TRANK1: variants seen among roughly 807,000 people sequenced by gnomAD.
TRANK1 encodes tetratricopeptide repeat and ankyrin repeat containing 1.
In TRANK1, 198 loss-of-function variants were observed where a neutral mutation model predicts 266.0. That is an observed-to-expected ratio of 0.74 (90% confidence interval 0.66 to 0.84). TRANK1 has a LOEUF of 0.84. Among genes scored for constraint, TRANK1 ranks in the 40% least tolerant of loss-of-function variants. TRANK1 has a pLI of 0.00. For synonymous variants in TRANK1, 1,396 were observed against 1,384.1 expected (o/e 1.01, Z -0.19); for missense variants, 3,326 against 3,634.6 (o/e 0.92, Z 2.18).
At chr3:36,847,940 C>A (rs2078937295) in intron 15 of TRANK1, among the ~76,000 whole-genome samples, 1 of 152,138 alleles carries the variant, frequency 6.6e-6, no homozygotes, top group Non-Finnish European at 1.5e-5. Flanking sequence ...AAAATAAAAA[C>A]AGATAATCAG....
At chr3:36,910,271 G>C (rs1183631093) in intron 1 of TRANK1, among the ~76,000 whole-genome samples, 1 of 152,120 alleles carries the variant, frequency 6.6e-6, no homozygotes, top group Non-Finnish European at 1.5e-5. Context: ...AGAATGACAC[G>C]AAATGTTGGG....
chr3:36,907,459 ATTTTTTTTTTTT>A (rs1212991729), intron 2 of TRANK1, among the ~76,000 whole-genome samples: 6 of 104,350 alleles, frequency 5.7e-5, no homozygotes, highest in African/African-American at 2.3e-4. Flanking sequence ...AAATTTATTG[ATTTTTTTTTTTT>A]TTTTTTTTTT....
In TRANK1 at chr3:36,856,833, G is replaced by A. The variant is rs971761671; in HGVS notation, c.2889C>T (p.Asn963=). The A allele has an allele frequency of 6.2e-7, 1 of 1,614,048 alleles. No individual in the cohort carries two copies. Among genetic ancestry groups the A allele is most frequent in the African/African-American group, 1.3e-5 (1 of 75,054 alleles). The change falls in exon 13 of 24, where the codon AAC becomes AAT. Residue 963 remains asparagine, a synonymous_variant. Coordinates refer to ENST00000645898, the MANE Select transcript of TRANK1 (RefSeq NM_001329998.2). ...DSIKAICNAY[N]RGLSCVLRKK... ...TCCGCAGGACACAGGACAAGCCCCG[G>A]TTGTAGGCATTGCAGATGGCCTTGA...
At chr3:36,937,256 G>A (rs1390367891) in intron 1 of TRANK1, among the ~76,000 whole-genome samples, 3 of 152,182 alleles carry the variant, frequency 2.0e-5, no homozygotes, top group Non-Finnish European at 2.9e-5. Context: ...GTGTGCCACA[G>A]GCTATTGTTT....
Position 36,846,342 on chromosome 3 carries a change from C to T in TRANK1, c.5097G>A (p.Trp1699Ter). ...GTTTCTCTCGGTTTTCATCAAAGATCCAGAGGTTGACCCGAGCCCGTGTGA... is the reference window on the plus strand; with the variant it reads ...GTTTCTCTCGGTTTTCATCAAAGATTCAGAGGTTGACCCGAGCCCGTGTGA... ...TAITRARVNLWIFDENREKRA... is the reference protein window; with the variant it reads ...TAITRARVNL The change falls in exon 17 of 24, where the codon TGG becomes TGA. Residue 1699 changes from tryptophan (W) to a stop codon, truncating the protein, a stop_gained. Transcript: ENST00000645898. LOFTEE classifies it high-confidence loss of function. 1 of 1,613,862 alleles carries T rather than the reference C, an allele frequency of 6.2e-7. No individual in the cohort carries two copies. The highest frequency in any genetic ancestry group is 1.1e-5 in the South Asian group (1 of 91,068).
In TRANK1 at chr3:36,846,356, G is replaced by A. The variant is rs535162660; in HGVS notation, c.5083C>T (p.Arg1695Trp). ...KQLYTAITRA[R>W]VNLWIFDENR... ...TCATCAAAGATCCAGAGGTTGACCC[G>A]AGCCCGTGTGATGGCGGTGTACAGC... is the stretch of plus-strand genomic sequence containing the variant. The change falls in exon 17 of 24, where the codon CGG (arginine) becomes TGG (tryptophan). Residue 1695 changes from arginine to tryptophan, a missense_variant. Transcript: ENST00000645898. 8 of 1,613,666 alleles carry A rather than the reference G, an allele frequency of 5.0e-6. No individual in the cohort carries two copies. The highest frequency in any genetic ancestry group is 1.3e-5 in the African/African-American group (1 of 74,894).
chr3:36,869,993 A>G (rs1293506606), intron 9 of TRANK1, among the ~76,000 whole-genome samples: 2 of 152,248 alleles, frequency 1.3e-5, no homozygotes, highest in African/African-American at 4.8e-5. Flanking sequence ...AACAAAATGT[A>G]TGCATGTAAC....
At chr3:36,890,607 G>A (rs1208309535) in intron 7 of TRANK1, among the ~76,000 whole-genome samples, 2 of 152,172 alleles carry the variant, frequency 1.3e-5, no homozygotes, top group Non-Finnish European at 2.9e-5. Context: ...GTGGCAAAGA[G>A]GATCTGGGTG....
chr3:36,919,828 G>A (rs1266090649), intron 1 of TRANK1, among the ~76,000 whole-genome samples: 3 of 152,158 alleles, frequency 2.0e-5, no homozygotes, highest in Non-Finnish European at 2.9e-5. Context: ...GTTTTAATTA[G>A]CATTTTCCTG....
intron 12 of TRANK1, 147 bp from the exon 13 acceptor site, chr3:36,858,196 G>T (rs1345785100): frequency 3.0e-6 from 2 of 671,208 alleles, no homozygotes; most frequent in Non-Finnish European, 4.9e-6. Context: ...AGAGCTCAGT[G>T]GTTCTCAACC....
chr3:36,918,691 C>G (rs1249114154), intron 1 of TRANK1, among the ~76,000 whole-genome samples: 1 of 143,516 alleles, frequency 7.0e-6, no homozygotes, highest in African/African-American at 2.5e-5. Context: ...GAAAGAAACG[C>G]CAATGTAAAC....
At chr3:36,884,441 A>G (rs1467344049) in intron 8 of TRANK1, among the ~76,000 whole-genome samples, 1 of 152,216 alleles carries the variant, frequency 6.6e-6, no homozygotes, top group African/African-American at 2.4e-5. Context: ...GAAGTGCTCA[A>G]GGGGACTTTT....
intron 1 of TRANK1, among the ~76,000 whole-genome samples, chr3:36,937,853 TAAAC>T: frequency 6.6e-6 from 1 of 152,334 alleles, no homozygotes; most frequent in Middle Eastern, 3.4e-3. Flanking sequence ...TGACAGCCAT[TAAAC>T]AAAGATGTTT....
intron 8 of TRANK1, among the ~76,000 whole-genome samples, chr3:36,886,744 T>C (rs72861201): frequency 0.33 from 49,879 of 151,464 alleles, 9,192 homozygotes; most frequent in East Asian, 0.56. Flanking sequence ...AACCCCATCT[T>C]TACTAAAAAT....
chr3:36,873,548 A>G (rs2079340484), intron 9 of TRANK1, among the ~76,000 whole-genome samples: 1 of 152,224 alleles, frequency 6.6e-6, no homozygotes, highest in Non-Finnish European at 1.5e-5. Flanking sequence ...TGCAAATGTC[A>G]TTCACTAATT....
At chr3:36,859,932 G>A (rs1357851470) in intron 11 of TRANK1, among the ~76,000 whole-genome samples, 1 of 152,184 alleles carries the variant, frequency 6.6e-6, no homozygotes, top group Admixed American at 6.5e-5. Flanking sequence ...TGCAAGGTGT[G>A]TGGCACTTTG....
intron 13 of TRANK1, among the ~76,000 whole-genome samples, chr3:36,852,903 T>C (rs1027306469): frequency 9.2e-5 from 14 of 152,030 alleles, no homozygotes; most frequent in Admixed American, 7.2e-4. Context: ...GAACCAATAT[T>C]ACCATGGTAA....
chr3:36,876,898 A>G (rs772558623), intron 8 of TRANK1, among the ~76,000 whole-genome samples: 2 of 152,152 alleles, frequency 1.3e-5, no homozygotes, highest in Non-Finnish European at 2.9e-5. Flanking sequence ...GGAGCTAACC[A>G]TATCTAGACG....
At chr3:36,926,196 A>G (rs1453799182) in intron 1 of TRANK1, among the ~76,000 whole-genome samples, 3 of 151,926 alleles carry the variant, frequency 2.0e-5, no homozygotes, top group Admixed American at 2.0e-4. Context: ...TTTCCTGTAT[A>G]TTGTCATTTT....
Sources: gnomAD v4.1 joint callset for allele counts (sites outside exome capture counted in the v4.1 genomes callset) on GRCh38, gnomAD v4.1.1 for gene constraint, MANE v1.5 for transcripts, NCBI Gene and HGNC (gene_info 2026-07-23, HGNC 2026-07-21) for gene names.